Variants in INTS8 observed in about 807,000 individuals in gnomAD.
INTS8 encodes the protein protein kaonashi-1.
In INTS8, 47 loss-of-function variants were observed where a neutral mutation model predicts 138.9. The ratio of observed to expected loss-of-function variants is 0.34; its 90% confidence interval spans 0.27 to 0.43. The LOEUF is 0.43. Ranked by LOEUF, INTS8 falls within the 20% of genes least tolerant of loss-of-function variation. INTS8 has a pLI of 1.00. For synonymous variants in INTS8, 392 were observed against 400.9 expected, an observed-to-expected ratio of 0.98 and a Z score of 0.27; for missense variants, 996 against 1,173.0, an observed-to-expected ratio of 0.85 and a Z score of 2.20.
Position 94,867,674 on chromosome 8 carries a change from C to G in INTS8, c.2414+337C>G, listed in dbSNP as rs59434004. ...AAATAGCTGGGATTACAGGCACCCA[C>G]CACCACGCCTGGCTAATTTTTGTAT... On this transcript the variant is annotated intron_variant, in intron 20 of 26. Transcript: ENST00000523731. 9.2e-3 allele frequency: 1,666 copies of G among 181,814 alleles called. 18 individuals are homozygous for G. Among genetic ancestry groups the G allele is most frequent in the Middle Eastern group, 0.021 (9 of 426 alleles). 11.3% of individuals were successfully genotyped at this position (181,814 alleles called of 1,614,324 possible).
At chr8:94,879,905 A>G in intron 26 of INTS8, 1 of 354,188 alleles carries the variant, frequency 2.8e-6, no homozygotes, top group Non-Finnish European at 5.1e-6. Flanking sequence ...GTAATTCCAT[A>G]AACTATGGCT....
At chr8:94,875,917 C>G (rs760122679) in intron 23 of INTS8, 157 bp from the exon 24 acceptor site, 4 of 598,358 alleles carry the variant, frequency 6.7e-6, no homozygotes, top group Non-Finnish European at 1.2e-5. Flanking sequence ...CAGACAGACA[C>G]GTGTATAAAG....
At chr8:94,826,285 A>T (rs1814497294) in intron 2 of INTS8, among the ~76,000 whole-genome samples, 1 of 146,746 alleles carries the variant, frequency 6.8e-6, no homozygotes, top group Non-Finnish European at 1.5e-5. Flanking sequence ...TTTAAAGTGA[A>T]TTTTTTTTTT....
At chr8:94,859,435 T>C (rs1815872116) in intron 15 of INTS8, 76 bp from the exon 16 acceptor site, 15 of 1,430,630 alleles carry the variant, frequency 1.0e-5, no homozygotes, top group Non-Finnish European at 1.5e-5. Context: ...TCAGTTGAAA[T>C]CTGAGCAAGT....
chr8:94,876,315 GAATGATCCATTTTTAT>G, intron 25 of INTS8, 30 bp downstream of exon 25: 1 of 1,546,768 alleles, frequency 6.5e-7, no homozygotes. Flanking sequence ...TGTGATGTTA[GAATGATCCATTTTTAT>G]AAATTAAAGG....
At chr8:94,839,243 CT>C (rs1424419390) in intron 8 of INTS8, among the ~76,000 whole-genome samples, 1 of 152,178 alleles carries the variant, frequency 6.6e-6, no homozygotes, top group Non-Finnish European at 1.5e-5. Flanking sequence ...TAATGAGTCT[CT>C]TGAGACTTTT....
intron 6 of INTS8, among the ~76,000 whole-genome samples, chr8:94,833,237 A>G (rs1814793888): frequency 6.6e-6 from 1 of 152,086 alleles, no homozygotes. Context: ...TAGTTATGAC[A>G]GTTTTGGGAA....
chr8:94,867,473 TATGATAATGATAA>T lies in INTS8; in HGVS notation c.2414+137_2414+149del, dbSNP rs1241859475. The stretch of plus-strand genomic sequence containing the variant: ...TTCTACAGTCTTTGTGTTTCTCTAT[TATGATAATGATAA>T]TTATCTTCCTGTAAATTGTGGATAA... On this transcript the variant is annotated intron_variant, in intron 20 of 26. Transcript: ENST00000523731. 9 of 646,164 alleles carry T rather than the reference TATGATAATGATAA, an allele frequency of 1.4e-5. No homozygotes were observed. In the African/African-American group the frequency reaches 1.7e-4, roughly 12 times the overall value. The allele number at this position is 646,164 out of a possible 1,614,324, so 40.0% of individuals were successfully genotyped here. A position where few individuals can be genotyped will look rare whatever the true frequency, so the allele number is the denominator to read the frequency against.
chr8:94,875,761 C>T (rs2131078233), intron 23 of INTS8, among the ~76,000 whole-genome samples: 1 of 152,248 alleles, frequency 6.6e-6, no homozygotes, highest in South Asian at 2.1e-4. Context: ...TTTAATTGCA[C>T]ACTCTGTATG....
chr8:94,881,315 A>AAGAT lies in INTS8; in HGVS notation c.*1083_*1086dup. The stretch of plus-strand genomic sequence containing the variant: ...CCAGTGACAAAATTCCTAGTTTATC[A>AAGAT]AGATAAACACAGTAACACTGGATTA... On this transcript the variant is annotated 3_prime_UTR_variant, in exon 27 of 27. Coordinates refer to ENST00000523731, the MANE Select transcript of INTS8 (RefSeq NM_017864.4). 1 of 364,444 alleles carries AAGAT rather than the reference A, an allele frequency of 2.7e-6. No homozygotes were observed. The highest frequency in any genetic ancestry group is 4.3e-5 in the East Asian group (1 of 23,154). 22.6% of individuals were successfully genotyped at this position (364,444 alleles called of 1,614,324 possible). A position where few individuals can be genotyped will look rare whatever the true frequency, so the allele number is the denominator to read the frequency against.
intron 13 of INTS8, among the ~76,000 whole-genome samples, chr8:94,852,358 C>G (rs1463058034): frequency 1.3e-5 from 2 of 152,134 alleles, no homozygotes; most frequent in East Asian, 3.9e-4. Flanking sequence ...AAACTCCCAG[C>G]TAATACATTT....
In INTS8 at chr8:94,828,990, A is replaced by G. The variant is rs752396776; in HGVS notation, c.534A>G (p.Gln178=). The part of the protein sequence containing the change: ...PPQLSVMNQM[Q]QEKELTENIL... ...TCTCTTTTAGTATGAATCAAATGCA[A>G]CAGGAAAAAGAGCTAACAGAAAACA... The change falls in exon 5 of 27, where the codon CAA becomes CAG. Residue 178 remains glutamine (Q), a synonymous_variant. Coordinates refer to ENST00000523731, the MANE Select transcript of INTS8 (RefSeq NM_017864.4). The G allele has an allele frequency of 2.0e-5, 32 of 1,599,328 alleles. No homozygotes were observed. The highest frequency in any genetic ancestry group is 2.6e-5 in the Non-Finnish European group (30 of 1,171,534).
At chr8:94,825,736 T>C (rs1814474437) in intron 2 of INTS8, among the ~76,000 whole-genome samples, 1 of 152,118 alleles carries the variant, frequency 6.6e-6, no homozygotes, top group African/African-American at 2.4e-5. Context: ...TATTAGAAAA[T>C]GATTTATTAT....
At chr8:94,875,686 A>G (rs989417482) in intron 23 of INTS8, among the ~76,000 whole-genome samples, 8 of 152,148 alleles carry the variant, frequency 5.3e-5, no homozygotes, top group East Asian at 1.9e-4. Context: ...AATGTTTTCT[A>G]TGTTAAGCAG....
chr8:94,829,932 C>T (rs1460227937), intron 5 of INTS8, among the ~76,000 whole-genome samples: 3 of 152,134 alleles, frequency 2.0e-5, no homozygotes, highest in Non-Finnish European at 4.4e-5. Context: ...CAGAGTCTTG[C>T]TCTGTTACCA....
intron 20 of INTS8, 94 bp downstream of exon 20, chr8:94,867,431 G>A: frequency 2.3e-6 from 2 of 866,112 alleles, no homozygotes; most frequent in South Asian, 1.6e-5. Context: ...TTTTATTAAA[G>A]GGCCAGAAAT....
chr8:94,834,801 A>G (rs1814864163), intron 6 of INTS8, among the ~76,000 whole-genome samples: 1 of 152,218 alleles, frequency 6.6e-6, no homozygotes, highest in African/African-American at 2.4e-5. Flanking sequence ...GATTCTTTGA[A>G]TTGGACAGAA....
intron 6 of INTS8, among the ~76,000 whole-genome samples, 177 bp downstream of exon 6, chr8:94,832,351 A>G (rs1210665713): frequency 6.6e-6 from 1 of 152,230 alleles, no homozygotes; most frequent in Non-Finnish European, 1.5e-5. Context: ...AAAGAAATGG[A>G]AGAGAAATTT....
rs1308390439 is a variant in INTS8 at position 94,823,316 on chromosome 8, C to G, written c.-116C>G. The G allele has an allele frequency of 1.3e-6, 2 of 1,520,326 alleles. No individual in the cohort carries two copies. The highest frequency in any genetic ancestry group is 2.4e-5 in the South Asian group (2 of 81,700). The allele number at this position is 1,520,326 out of a possible 1,614,324, so 94.2% of individuals were successfully genotyped here. A position where few individuals can be genotyped will look rare whatever the true frequency, so the allele number is the denominator to read the frequency against. The stretch of plus-strand genomic sequence containing the variant: ...TTTTGGATTGTGTGAGTTTCCGGGA[C>G]GTTCGGAGGGTGGCCTCTCTCCCAC... On this transcript the variant is annotated 5_prime_UTR_variant, in exon 1 of 27. Transcript: ENST00000523731.
Sources: allele counts gnomAD v4.1 joint callset (sites outside exome capture counted in the v4.1 genomes callset), GRCh38; gene constraint gnomAD v4.1.1; transcripts MANE v1.5; gene names NCBI Gene and HGNC (gene_info 2026-07-23, HGNC 2026-07-21).